Variants in DCAF6 observed in about 807,000 individuals in gnomAD.
DCAF6 encodes DDB1 and CUL4 associated factor 6.
A neutral mutation model predicts 125.1 loss-of-function variants in DCAF6; 54 were observed. The observed-to-expected ratio is 0.43, with a 90% CI of 0.35 to 0.54. The LOEUF is 0.54. Among genes scored for constraint, DCAF6 ranks in the 20% least tolerant of loss-of-function variants. The probability of loss-of-function intolerance (pLI) is 0.01; values close to 1 mark genes in which losing one functional copy is unlikely to be tolerated. For missense variants in DCAF6, 934 were observed against 1,161.7 expected, an observed-to-expected ratio of 0.80 and a Z score of 2.85; for synonymous variants, 371 against 390.4, an observed-to-expected ratio of 0.95 and a Z score of 0.58.
intron 12 of DCAF6, chr1:168,023,364 A>T: frequency 2.4e-6 from 1 of 408,944 alleles, no homozygotes; most frequent in Admixed American, 3.7e-5. Flanking sequence ...ATTGTGTAGA[A>T]CTGTGGGTGT....
intron 10 of DCAF6, among the ~76,000 whole-genome samples, chr1:168,005,554 G>C (rs916080042): frequency 6.6e-6 from 1 of 151,994 alleles, no homozygotes; most frequent in African/African-American, 2.4e-5. Context: ...TTTATTCATA[G>C]TTTTCTTTGG....
intron 6 of DCAF6, among the ~76,000 whole-genome samples, chr1:167,992,809 G>T (rs954489942): frequency 1.3e-5 from 2 of 152,150 alleles, no homozygotes; most frequent in African/African-American, 2.4e-5. Context: ...AGTAAAAGTT[G>T]TATCATCTTA....
intron 10 of DCAF6, among the ~76,000 whole-genome samples, chr1:168,008,393 T>G (rs1683663556): frequency 6.6e-6 from 1 of 152,198 alleles, no homozygotes; most frequent in East Asian, 1.9e-4. Flanking sequence ...GAGTTTTTCT[T>G]GATTCCTTCC....
At chr1:167,873,405 T>C in the DCAF6 span, among the ~76,000 whole-genome samples, 2 of 152,198 alleles carry the variant, frequency 1.3e-5, no homozygotes, top group African/African-American at 4.8e-5. Flanking sequence ...GACACCAAGA[T>C]TGTGGCCCAA....
intron 5 of DCAF6, among the ~76,000 whole-genome samples, chr1:167,990,898 T>C (rs1287838370): frequency 6.6e-6 from 1 of 152,206 alleles, no homozygotes; most frequent in Non-Finnish European, 1.5e-5. Flanking sequence ...TACAATATTG[T>C]GGTAGAAATC....
the DCAF6 span, chr1:167,901,567 C>T: frequency 6.3e-3 from 8,158 of 1,294,168 alleles, 398 homozygotes; most frequent in African/African-American, 0.11. Context: ...GCTGAGCCAC[C>T]ATGTTCTACT....
chr1:168,067,494 C>T (rs548300508), intron 20 of DCAF6, among the ~76,000 whole-genome samples: 1 of 152,106 alleles, frequency 6.6e-6, no homozygotes, highest in African/African-American at 2.4e-5. Context: ...GAGAATAGTT[C>T]ACCAGGCAGA....
At chr1:168,069,806 A>G (rs977649161) in intron 21 of DCAF6, among the ~76,000 whole-genome samples, 7 of 152,176 alleles carry the variant, frequency 4.6e-5, no homozygotes, top group African/African-American at 1.7e-4. Flanking sequence ...TGTTTTTGTG[A>G]TCTTCTTTGG....
intron 17 of DCAF6, among the ~76,000 whole-genome samples, chr1:168,056,874 T>G (rs1424570742): frequency 6.6e-6 from 1 of 152,248 alleles, no homozygotes; most frequent in Non-Finnish European, 1.5e-5. Flanking sequence ...AAACCTGGAC[T>G]AGGAGAAGCT....
At chr1:168,030,909 T>C (rs1197246160) in intron 12 of DCAF6, among the ~76,000 whole-genome samples, 1 of 152,228 alleles carries the variant, frequency 6.6e-6, no homozygotes, top group African/African-American at 2.4e-5. Context: ...TGAGCACAAC[T>C]AAGTGAATGG....
At chr1:168,075,248 A>C in intron 21 of DCAF6, 123 bp from the exon 22 acceptor site, 1 of 802,504 alleles carries the variant, frequency 1.2e-6, no homozygotes, top group Non-Finnish European at 1.9e-6. Context: ...TTGCCTCTAA[A>C]GACATCCACA....
At chr1:168,027,053 G>A (rs1686427406) in intron 12 of DCAF6, among the ~76,000 whole-genome samples, 4 of 152,234 alleles carry the variant, frequency 2.6e-5, no homozygotes, top group Middle Eastern at 6.8e-3. Flanking sequence ...GGACAGGTTA[G>A]TAATGCCATG....
chr1:168,042,941 C>T, intron 13 of DCAF6, 84 bp from the exon 14 acceptor site: 1 of 973,966 alleles, frequency 1.0e-6, no homozygotes, highest in African/African-American at 1.6e-5. Flanking sequence ...TTTGGTCTAC[C>T]TTTCTAGTTG....
intron 4 of DCAF6, among the ~76,000 whole-genome samples, chr1:167,985,211 G>GT (rs766572428): frequency 1.2e-4 from 16 of 134,410 alleles, no homozygotes; most frequent in South Asian, 7.0e-4. Flanking sequence ...GTGTGTGTGT[G>GT]GTGTGTGTGT....
chr1:167,942,591 CCTAT>C (rs1314604782), intron 1 of DCAF6, among the ~76,000 whole-genome samples: 2 of 151,960 alleles, frequency 1.3e-5, no homozygotes, highest in African/African-American at 4.8e-5. Flanking sequence ...CTTTTTATGT[CCTAT>C]CTAAGAATCT....
intron 3 of DCAF6, among the ~76,000 whole-genome samples, chr1:167,968,128 G>A (rs554784902): frequency 2.6e-5 from 4 of 152,200 alleles, no homozygotes; most frequent in African/African-American, 7.2e-5. Flanking sequence ...AGTAGCAACC[G>A]TGTATTGGTG....
chr1:168,042,793 C>T lies in DCAF6; in HGVS notation c.1728-232C>T, dbSNP rs562691324. 1.4e-5 allele frequency: 5 copies of T among 370,368 alleles called. No homozygotes were observed. In the South Asian group the frequency reaches 2.0e-4, roughly 15 times the overall value. 22.9% of individuals were successfully genotyped at this position (370,368 alleles called of 1,614,324 possible). ...ATACTAGATAATGAAAGGATCCAAA[C>T]AGTGAAGAAGCAGTCCCTTTATATT... On this transcript the variant is annotated intron_variant, in intron 13 of 21. Coordinates refer to ENST00000367840, the MANE Select transcript of DCAF6 (RefSeq NM_001198956.2).
At chr1:167,918,402 G>T in the DCAF6 span, 1 of 1,292,472 alleles carries the variant, frequency 7.7e-7, no homozygotes, top group South Asian at 1.3e-5. Flanking sequence ...AATAATAATA[G>T]ACAAATTTAT....
At chr1:167,882,935 T>A in the DCAF6 span, among the ~76,000 whole-genome samples, 1 of 152,090 alleles carries the variant, frequency 6.6e-6, no homozygotes, top group East Asian at 1.9e-4. Context: ...ATGAAATGAG[T>A]CAATAGAGAT....
Sources: allele counts gnomAD v4.1 joint callset (sites outside exome capture counted in the v4.1 genomes callset), GRCh38; gene constraint gnomAD v4.1.1; transcripts MANE v1.5; gene names NCBI Gene and HGNC (gene_info 2026-07-23, HGNC 2026-07-21).